The following KLC1 variants were observed in gnomAD, a reference collection of about 807,000 sequenced individuals.
KLC1 encodes kinesin light chain 1.
A neutral mutation model predicts 84.2 loss-of-function variants in KLC1; 30 were observed. The ratio of observed to expected loss-of-function variants is 0.36; its 90% CI spans 0.27 to 0.48. The LOEUF (loss-of-function observed/expected upper bound fraction) is 0.48, where lower values mean the gene tolerates loss of function less well. KLC1 is among the 20% of genes least tolerant of loss of function. KLC1 has a pLI of 0.99. For missense variants in KLC1, 499 were observed against 805.4 expected (o/e 0.62, Z 4.60); for synonymous variants, 289 against 293.3 (o/e 0.99, Z 0.15).
chr14:103,675,609 T>A lies in KLC1; in HGVS notation c.1311+8T>A, dbSNP rs773471643. ...GAAAGAGAAGAATGCAAAGTAAGAA[T>A]TTATTATTTTGAGATTTTCTAAATT... On this transcript the variant is annotated splice_region_variant and intron_variant, in intron 10 of 16. Transcript: ENST00000334553. 1 of 1,611,076 alleles carries A rather than the reference T, an allele frequency of 6.2e-7. No individual in the cohort carries two copies. Among genetic ancestry groups the A allele is most frequent in the South Asian group, 1.1e-5 (1 of 90,882 alleles).
intron 1 of KLC1, among the ~76,000 whole-genome samples, chr14:103,632,855 C>T (rs573435856): frequency 6.6e-6 from 1 of 152,032 alleles, no homozygotes; most frequent in African/African-American, 2.4e-5. Context: ...AGAAAAGTAC[C>T]AATCAGCCAG....
chr14:103,686,959 T>C (rs767142220), intron 13 of KLC1, 122 bp from the exon 14 acceptor site: 1 of 562,294 alleles, frequency 1.8e-6, no homozygotes, highest in Non-Finnish European at 3.2e-6. Context: ...CAAGACTCTG[T>C]CAGCAGTGAG....
At chr14:103,695,341 A>ATG (rs1348718545) in intron 15 of KLC1, 38 of 160,932 alleles carry the variant, frequency 2.4e-4, no homozygotes, top group African/African-American at 2.3e-3. Context: ...GTGTGTGTGT[A>ATG]TATATATATA....
rs149224587 is a variant in KLC1 at position 103,667,950 on chromosome 14, T to C, written c.798-1561T>C. Reference sequence around the variant, plus strand: ...TTTCTGGTTCTGGGGTGTTTCTGTTTTACTCCAATCAAGAAAGATTCTTCG... The same window carrying C: ...TTTCTGGTTCTGGGGTGTTTCTGTTCTACTCCAATCAAGAAAGATTCTTCG... On this transcript the variant is annotated intron_variant, in intron 5 of 16. Coordinates refer to ENST00000334553, the MANE Select transcript of KLC1 (RefSeq NM_001394837.1). Among the ~76,000 whole-genome samples the C allele has an allele frequency of 2.6e-3, 401 of 152,346 alleles. 1 individual carries two copies. Among genetic ancestry groups the C allele is most frequent in the Admixed American group, 6.7e-3 (103 of 15,304 alleles).
intron 15 of KLC1, chr14:103,698,903 G>T: frequency 6.2e-7 from 1 of 1,602,554 alleles, no homozygotes; most frequent in South Asian, 1.1e-5. Context: ...GCAGGGTCCG[G>T]GCTGGGCAGC....
chr14:103,694,924 A>C lies in KLC1; in HGVS notation c.1848+2499A>C. On this transcript the variant is annotated intron_variant, in intron 15 of 16. Transcript: ENST00000334553. This position sits in a 1 kb window ranked among gnomAD's most constrained non-coding sequence, Gnocchi z 4.5. ...TTTGTGAAAGCGCGTTTGTTTCCAC[A>C]AGACAAGCTCCGTGTAGTCGCCAGC... is the stretch of plus-strand genomic sequence containing the variant. 2 of 985,484 alleles carry C rather than the reference A, an allele frequency of 2.0e-6. No individual in the cohort carries two copies. The highest frequency in any genetic ancestry group is 1.1e-4 in the East Asian group (1 of 8,820). 61.0% of individuals were successfully genotyped at this position (985,484 alleles called of 1,614,324 possible). A position where few individuals can be genotyped will look rare whatever the true frequency, so the allele number is the denominator to read the frequency against.
intron 5 of KLC1, among the ~76,000 whole-genome samples, chr14:103,666,206 G>A (rs897591335): frequency 6.6e-6 from 1 of 152,106 alleles, no homozygotes; most frequent in African/African-American, 2.4e-5. Flanking sequence ...TGGGACTACA[G>A]GCGCCTGCCA....
intron 11 of KLC1, among the ~76,000 whole-genome samples, chr14:103,676,660 C>A (rs151091812): frequency 6.6e-6 from 1 of 152,170 alleles, no homozygotes. Flanking sequence ...ATAGCACTTA[C>A]CATAGATTAC....
At chr14:103,680,698 C>T (rs1036117710) in intron 13 of KLC1, among the ~76,000 whole-genome samples, 3 of 152,170 alleles carry the variant, frequency 2.0e-5, no homozygotes, top group East Asian at 1.9e-4. Context: ...AATCCTGGCC[C>T]GCAGGCCTCC....
intron 11 of KLC1, 144 bp downstream of exon 11, chr14:103,675,900 A>G (rs1191650717): frequency 3.1e-6 from 2 of 642,748 alleles, no homozygotes; most frequent in East Asian, 5.5e-5. Context: ...AATTAAAAAA[A>G]CCCCACTAAC....
chr14:103,634,878 G>A (rs2151276131), intron 1 of KLC1, among the ~76,000 whole-genome samples: 1 of 152,260 alleles, frequency 6.6e-6, no homozygotes, highest in East Asian at 1.9e-4. Context: ...ACTGCACCCG[G>A]CCTGTTGCCT....
intron 11 of KLC1, 104 bp from the exon 12 acceptor site, chr14:103,677,311 C>G: frequency 1.3e-6 from 1 of 750,422 alleles, no homozygotes; most frequent in Non-Finnish European, 2.3e-6. Context: ...AAAATATATT[C>G]AAGCCAAAAC....
At chr14:103,668,236 T>G (rs2080053849) in intron 5 of KLC1, among the ~76,000 whole-genome samples, 1 of 152,238 alleles carries the variant, frequency 6.6e-6, no homozygotes, top group South Asian at 2.1e-4. Context: ...ATTAATTCTG[T>G]CTGAAACCAA....
intron 1 of KLC1, among the ~76,000 whole-genome samples, chr14:103,638,798 G>A (rs1336660760): frequency 6.6e-6 from 1 of 151,772 alleles, no homozygotes; most frequent in African/African-American, 2.4e-5. Flanking sequence ...GTGGGGGTGT[G>A]TGTGCGTGAG....
At chr14:103,681,554 G>A (rs183634101) in intron 13 of KLC1, among the ~76,000 whole-genome samples, 24 of 152,096 alleles carry the variant, frequency 1.6e-4, no homozygotes, top group Admixed American at 1.3e-3. Flanking sequence ...CTGCCTCCTG[G>A]TTCAAGCAAT....
intron 15 of KLC1, chr14:103,696,332 CT>C (rs1171800018): frequency 1.0e-6 from 1 of 985,266 alleles, no homozygotes; most frequent in African/African-American, 1.7e-5. Context: ...ACGGGGCACT[CT>C]CATGGGCAGC....
At chr14:103,664,149 A>G (rs1048005675) in intron 5 of KLC1, among the ~76,000 whole-genome samples, 1 of 151,580 alleles carries the variant, frequency 6.6e-6, no homozygotes, top group African/African-American at 2.4e-5. Context: ...TTGTTTGCAT[A>G]TTTTCTTTTT....
Position 103,631,895 on chromosome 14 carries a change from G to T in KLC1, c.-2+2401G>T, listed in dbSNP as rs981946817. ...GTTACAGGTGTGAGCCATTGCACCT[G>T]GGCTGAAACCAGTATTTTATGTAGC... On this transcript the variant is annotated intron_variant, in intron 1 of 16. Transcript: ENST00000334553. Among the ~76,000 whole-genome samples the T allele has an allele frequency of 3.3e-5, 5 of 152,102 alleles. No individual in the cohort carries two copies. The East Asian group carries it at 9.6e-4, about 29-fold the overall frequency.
chr14:103,666,700 C>T (rs1015483275), intron 5 of KLC1, among the ~76,000 whole-genome samples: 10 of 146,612 alleles, frequency 6.8e-5, no homozygotes, highest in Non-Finnish European at 1.1e-4. Flanking sequence ...CGGGTTGAGG[C>T]GATTCCACCC....
Sources: allele counts gnomAD v4.1 joint callset (sites outside exome capture counted in the v4.1 genomes callset), GRCh38; gene constraint gnomAD v4.1.1; non-coding constraint Gnocchi (gnomAD v3.1); transcripts MANE v1.5; gene names NCBI Gene and HGNC (gene_info 2026-07-23, HGNC 2026-07-21).